MORC3: variants seen among roughly 807,000 people sequenced by gnomAD.
The protein encoded by MORC3 is MORC family CW-type zinc finger protein 3.
A neutral mutation model predicts 109.1 loss-of-function variants in MORC3; 31 were observed. The observed-to-expected ratio is 0.28, with a 90% CI of 0.21 to 0.38. The LOEUF (loss-of-function observed/expected upper bound fraction) is 0.38. Ranked by LOEUF, MORC3 falls within the 10% of genes least tolerant of loss-of-function variation. The probability of loss-of-function intolerance (pLI) is 1.00; values close to 1 mark genes in which losing one functional copy is unlikely to be tolerated. For synonymous variants in MORC3, 395 were observed against 380.7 expected (o/e 1.04, Z -0.44); for missense variants, 867 against 1,135.8 (o/e 0.76, Z 3.40).
intron 1 of MORC3, among the ~76,000 whole-genome samples, chr21:36,322,956 G>T (rs1262018794): frequency 6.6e-6 from 1 of 152,064 alleles, no homozygotes; most frequent in African/African-American, 2.4e-5. Context: ...GCTAGCCAGG[G>T]TAGTATGATT....
intron 7 of MORC3, 96 bp downstream of exon 7, chr21:36,344,803 C>G: frequency 2.5e-6 from 4 of 1,589,176 alleles, no homozygotes; most frequent in South Asian, 1.1e-5. Context: ...CTAGTCTGCT[C>G]TAGCTTTGCC....
intron 1 of MORC3, among the ~76,000 whole-genome samples, chr21:36,331,161 CAT>C (rs1416887514): frequency 1.3e-5 from 2 of 152,328 alleles, no homozygotes; most frequent in African/African-American, 4.8e-5. Flanking sequence ...ACAGTCTAAT[CAT>C]ATTTTTAGGG....
At chr21:36,359,556 C>CTTTTTTTTTTTTTTTTTTTTTTT (rs5843757) in intron 10 of MORC3, among the ~76,000 whole-genome samples, 1 of 93,952 alleles carries the variant, frequency 1.1e-5, no homozygotes, top group Non-Finnish European at 1.9e-5. Context: ...CTTTCCTCTC[C>CTTTTTTTTTTTTTTTTTTTTTTT]TTTTTTTTTT....
chr21:36,338,659 ACCTTAG>A, intron 4 of MORC3, 109 bp from the exon 5 acceptor site: 1 of 1,065,812 alleles, frequency 9.4e-7, no homozygotes, highest in Non-Finnish European at 1.3e-6. Context: ...AAAAAAAAAA[ACCTTAG>A]AAAATTATTT....
chr21:36,364,774 G>A (rs1005809164), intron 14 of MORC3, among the ~76,000 whole-genome samples: 3 of 151,848 alleles, frequency 2.0e-5, no homozygotes, highest in African/African-American at 4.8e-5. Context: ...GAAGCAGCCC[G>A]GGCGCGGTGG....
chr21:36,372,302 A>G, intron 15 of MORC3, 72 bp from the exon 16 acceptor site: 1 of 1,349,798 alleles, frequency 7.4e-7, no homozygotes, highest in Non-Finnish European at 9.9e-7. Context: ...TCTCTATATT[A>G]GCTTGAAATT....
At chr21:36,356,985 T>C (rs1196472184) in intron 10 of MORC3, among the ~76,000 whole-genome samples, 1 of 152,230 alleles carries the variant, frequency 6.6e-6, no homozygotes, top group African/African-American at 2.4e-5. Flanking sequence ...ATGGATTATA[T>C]AATAGTTTGA....
At chr21:36,342,517 C>T (rs2085460815) in intron 6 of MORC3, among the ~76,000 whole-genome samples, 1 of 152,098 alleles carries the variant, frequency 6.6e-6, no homozygotes, top group African/African-American at 2.4e-5. Flanking sequence ...ATCCTTCCAC[C>T]TCAGCCTCCT....
intron 1 of MORC3, among the ~76,000 whole-genome samples, chr21:36,329,963 A>G (rs2085296269): frequency 6.6e-6 from 1 of 151,958 alleles, no homozygotes; most frequent in East Asian, 1.9e-4. Flanking sequence ...CCTGAGTTCA[A>G]GCAACTCTCC....
At chr21:36,347,303 A>G (rs1179993220) in intron 8 of MORC3, among the ~76,000 whole-genome samples, 1 of 152,230 alleles carries the variant, frequency 6.6e-6, no homozygotes, top group Non-Finnish European at 1.5e-5. Flanking sequence ...GAGCCCAAAT[A>G]TAGCATATTT....
chr21:36,359,937 G>C lies in MORC3; in HGVS notation c.1209-18G>C. 9.9e-6 allele frequency: 16 copies of C among 1,613,754 alleles called. No homozygotes were observed. Among genetic ancestry groups the C allele is most frequent in the African/African-American group, 1.3e-5 (1 of 75,024 alleles). On this transcript the variant is annotated intron_variant, in intron 10 of 16. Transcript: ENST00000400485. The stretch of plus-strand genomic sequence containing the variant: ...GTCCATATTTCTGTGTTAATATTTT[G>C]TTCTTGTTTTGGGACAGGAAGCGTC...
intron 15 of MORC3, among the ~76,000 whole-genome samples, chr21:36,370,633 A>ATTTTT (rs2085848041): frequency 2.2e-5 from 1 of 46,480 alleles, no homozygotes; most frequent in Non-Finnish European, 3.8e-5. Context: ...ATATATATAT[A>ATTTTT]TATATATTTT....
In MORC3 at chr21:36,372,616, A is replaced by T. The variant is rs1456382079; in HGVS notation, c.2666+85A>T. 3.0e-6 allele frequency: 4 copies of T among 1,324,488 alleles called. No individual in the cohort carries two copies. In the East Asian group the frequency reaches 1.0e-4, roughly 34 times the overall value. The allele number at this position is 1,324,488 out of a possible 1,614,324, so 82.0% of individuals were successfully genotyped here. Reference sequence around the variant, plus strand: ...TTATCTGCTAGCACCCATCAAATAGATACTGTTCTGTCAAAAGAAGTTATT... The same window carrying T: ...TTATCTGCTAGCACCCATCAAATAGTTACTGTTCTGTCAAAAGAAGTTATT... On this transcript the variant is annotated intron_variant, in intron 16 of 16. Coordinates refer to ENST00000400485, the MANE Select transcript of MORC3 (RefSeq NM_015358.3).
intron 9 of MORC3, among the ~76,000 whole-genome samples, chr21:36,351,868 GA>G (rs1226934048): frequency 6.6e-6 from 1 of 152,128 alleles, no homozygotes; most frequent in African/African-American, 2.4e-5. Flanking sequence ...CAGTATATTT[GA>G]AGAGATACCT....
intron 10 of MORC3, 132 bp downstream of exon 10, chr21:36,356,856 C>T (rs987052591): frequency 1.2e-5 from 6 of 505,066 alleles, no homozygotes; most frequent in East Asian, 3.5e-5. Flanking sequence ...CATGAATTAG[C>T]GCACTGCAAA....
chr21:36,372,461 C>G lies in MORC3; in HGVS notation c.2596C>G (p.Gln866Glu). The G allele has an allele frequency of 6.2e-7, 1 of 1,609,202 alleles. No homozygotes were observed. Among genetic ancestry groups the G allele is most frequent in the Non-Finnish European group, 8.5e-7 (1 of 1,179,108 alleles). ...AGTAGAACAGTTAAAATCTACAAATCAACAGACGGCAACAGATGTTTCAAC... is the reference window on the plus strand; with the variant it reads ...AGTAGAACAGTTAAAATCTACAAATGAACAGACGGCAACAGATGTTTCAAC... Reference protein sequence around the residue: ...TEVEQLKSTNQQTATDVSTSS... With the variant: ...TEVEQLKSTNEQTATDVSTSS... The change falls in exon 16 of 17, where the codon CAA becomes GAA. Residue 866 changes from glutamine to glutamate, a missense_variant. Physicochemically the swap from Gln to Glu is conservative, Grantham distance 29. Transcript: ENST00000400485.
At chr21:36,339,529 A>G (rs996452265) in intron 5 of MORC3, 5 of 125,102 alleles carry the variant, frequency 4.0e-5, no homozygotes, top group African/African-American at 1.5e-4. Flanking sequence ...AAGAAAAAAG[A>G]AAAAAAGCAA....
chr21:36,320,649 T>A, intron 1 of MORC3: 1 of 248,956 alleles, frequency 4.0e-6, no homozygotes, highest in Non-Finnish European at 7.6e-6. Flanking sequence ...CCCCTGACCC[T>A]CTTCTGTCCG....
chr21:36,327,428 A>C (rs2085261882), intron 1 of MORC3, among the ~76,000 whole-genome samples: 6 of 151,028 alleles, frequency 4.0e-5, no homozygotes, highest in Admixed American at 3.9e-4. Flanking sequence ...CTGGGATTAC[A>C]GGAGTGAACC....
Sources: gnomAD v4.1 joint callset for allele counts (sites outside exome capture counted in the v4.1 genomes callset) on GRCh38, gnomAD v4.1.1 for gene constraint, MANE v1.5 for transcripts, NCBI Gene and HGNC (gene_info 2026-07-23, HGNC 2026-07-21) for gene names.